MYRFL: variants seen among roughly 807,000 people sequenced by gnomAD.
MYRFL encodes myelin regulatory factor like, also known as myelin regulatory factor-like protein.
A neutral mutation model predicts 109.4 loss-of-function variants in MYRFL; 88 were observed. That is an observed-to-expected ratio of 0.80 (90% confidence interval 0.68 to 0.96). The LOEUF is 0.96. Among genes scored for constraint, MYRFL ranks in the 40% least tolerant of loss-of-function variants. The pLI, the probability that MYRFL is intolerant of heterozygous loss-of-function variation, is 0.00. For missense variants in MYRFL, 957 were observed against 954.9 expected, an observed-to-expected ratio of 1.00 and a Z score of -0.03; for synonymous variants, 324 against 320.9, an observed-to-expected ratio of 1.01 and a Z score of -0.10.
chr12:69,893,928 A>G, intron 8 of MYRFL, 88 bp downstream of exon 8: 1 of 350,810 alleles, frequency 2.9e-6, no homozygotes, highest in Non-Finnish European at 4.5e-6. Flanking sequence ...TTTATTTATT[A>G]TCTAATATAT....
At chr12:69,852,790 T>A (rs891971962) in intron 1 of MYRFL, among the ~76,000 whole-genome samples, 6 of 151,926 alleles carry the variant, frequency 3.9e-5, no homozygotes, top group African/African-American at 1.5e-4. Flanking sequence ...GTGATGACTC[T>A]TAACGAGCGT....
intron 4 of MYRFL, 62 bp downstream of exon 4, chr12:69,879,515 C>CT (rs1304930111): frequency 3.0e-6 from 2 of 656,854 alleles, no homozygotes; most frequent in Non-Finnish European, 5.5e-6. Flanking sequence ...CAGCCTGCCT[C>CT]TGGCAGGCAC....
intron 1 of MYRFL, among the ~76,000 whole-genome samples, chr12:69,826,087 T>C (rs1364934813): frequency 6.6e-6 from 1 of 151,982 alleles, no homozygotes; most frequent in Non-Finnish European, 1.5e-5. Context: ...ATAATATATA[T>C]TTAAAAGTTG....
At chr12:69,945,919 G>T (rs1351896900) in intron 19 of MYRFL, among the ~76,000 whole-genome samples, 3 of 137,606 alleles carry the variant, frequency 2.2e-5, no homozygotes, top group Non-Finnish European at 4.6e-5. Context: ...CCCGGGAGGC[G>T]GAGCTTGCAG....
Position 69,948,329 on chromosome 12 carries a change from A to C in MYRFL, c.2225-3784A>C, listed in dbSNP as rs980687742. ...TATCTTTCCTCATTCCCACCTATTTATTGCTGTTTTTTAAAAAAAACCTTA... is the reference window on the plus strand; with the variant it reads ...TATCTTTCCTCATTCCCACCTATTTCTTGCTGTTTTTTAAAAAAAACCTTA... On this transcript the variant is annotated intron_variant, in intron 19 of 24. Transcript: ENST00000552032. 7.9e-5 allele frequency among the ~76,000 whole-genome samples: 12 copies of C among 152,180 alleles called. No individual in the cohort carries two copies. The South Asian group carries it at 2.3e-3, about 29-fold the overall frequency.
rs75332248 is a variant in MYRFL, at chr12:69,918,377, G to A, written c.1602+7447G>A. Among the ~76,000 whole-genome samples the A allele has an allele frequency of 3.8e-3, 573 of 152,282 alleles. 1 individual carries two copies. The highest frequency in any genetic ancestry group is 0.013 in the African/African-American group (557 of 41,556). On this transcript the variant is annotated intron_variant, in intron 13 of 24. Transcript: ENST00000552032. ...TAGAGGAAGAAAAGAATGTGTGAGGGCTGAGAAGATTGGATGAAAGTAGGA... is the reference window on the plus strand; with the variant it reads ...TAGAGGAAGAAAAGAATGTGTGAGGACTGAGAAGATTGGATGAAAGTAGGA...
intron 13 of MYRFL, among the ~76,000 whole-genome samples, chr12:69,916,348 G>A (rs1954728418): frequency 6.6e-6 from 1 of 152,062 alleles, no homozygotes; most frequent in Admixed American, 6.6e-5. Context: ...GAAAAGAAGG[G>A]GGAAGACTTG....
At chr12:69,852,736 C>G (rs1057207392) in intron 1 of MYRFL, among the ~76,000 whole-genome samples, 9 of 151,980 alleles carry the variant, frequency 5.9e-5, no homozygotes, top group African/African-American at 2.2e-4. Context: ...ACCCTGCCGC[C>G]TTCCGCAGTG....
At position 69,950,149 on chromosome 12, in the gene MYRFL, A is replaced by G. The variant is rs569902885; in HGVS notation, c.2225-1964A>G. ...TAAGTTTTGCTTATCTTTAGAGACC[A>G]CAAACTCTACTTGTATGAAGAAGGT... is the stretch of plus-strand genomic sequence containing the variant. On this transcript the variant is annotated intron_variant, in intron 19 of 24. Transcript: ENST00000552032. Among the ~76,000 whole-genome samples the G allele has an allele frequency of 5.9e-5, 9 of 152,196 alleles. No homozygotes were observed. The East Asian group carries it at 1.7e-3, about 29-fold the overall frequency.
chr12:69,869,996 T>C (rs1191179372), intron 2 of MYRFL, among the ~76,000 whole-genome samples: 1 of 151,664 alleles, frequency 6.6e-6, no homozygotes, highest in Admixed American at 6.6e-5. Context: ...TCTCCGTTCA[T>C]CCTCCAAAAG....
At chr12:69,941,868 A>G (rs1346627249) in intron 19 of MYRFL, among the ~76,000 whole-genome samples, 2 of 150,614 alleles carry the variant, frequency 1.3e-5, no homozygotes, top group African/African-American at 2.4e-5. Context: ...CACCGATCCC[A>G]CAGAAATACA....
At chr12:69,873,524 A>C (rs1484135656) in intron 2 of MYRFL, among the ~76,000 whole-genome samples, 1 of 152,220 alleles carries the variant, frequency 6.6e-6, no homozygotes, top group Non-Finnish European at 1.5e-5. Flanking sequence ...TTATAAAGTA[A>C]AATAAAGGTT....
intron 5 of MYRFL, among the ~76,000 whole-genome samples, chr12:69,883,152 G>A (rs1172907957): frequency 6.6e-6 from 1 of 152,190 alleles, no homozygotes; most frequent in East Asian, 1.9e-4. Context: ...AAGCGAAGAG[G>A]AAGATTTGAA....
rs537434657 is a variant in MYRFL at position 69,940,177 on chromosome 12, G to A, written c.2224+3545G>A. Reference sequence around the variant, plus strand: ...CCCCAATCTAGCAAGGCAGGCCAACGTTCAGATTCAGGAACTACAGAGAAC... The same window carrying A: ...CCCCAATCTAGCAAGGCAGGCCAACATTCAGATTCAGGAACTACAGAGAAC... On this transcript the variant is annotated intron_variant, in intron 19 of 24. Transcript: ENST00000552032. Among the ~76,000 whole-genome samples, 8 of 152,124 alleles carry A rather than the reference G, an allele frequency of 5.3e-5. No individual in the cohort carries two copies. The South Asian group carries it at 1.7e-3, about 32-fold the overall frequency.
intron 5 of MYRFL, 110 bp from the exon 6 acceptor site, chr12:69,886,710 C>T (rs1886474996): frequency 2.3e-6 from 3 of 1,309,164 alleles, no homozygotes; most frequent in Non-Finnish European, 3.1e-6. Context: ...ATGACACTTC[C>T]CTAGTCACTC....
chr12:69,903,342 T>C (rs10784804), intron 10 of MYRFL, among the ~76,000 whole-genome samples: 54,981 of 152,070 alleles, frequency 0.36, 10,816 homozygotes, highest in African/African-American at 0.52. Flanking sequence ...AGTTTTCTTC[T>C]TTATCATCCA....
intron 2 of MYRFL, among the ~76,000 whole-genome samples, chr12:69,858,686 A>G (rs1884446388): frequency 6.6e-6 from 1 of 151,784 alleles, no homozygotes; most frequent in South Asian, 2.1e-4. Context: ...GTCTGTAGTG[A>G]TATTCCCTCT....
chr12:69,853,241 CGGCTGGCCGGGCAGG>C (rs1252034447), intron 1 of MYRFL, among the ~76,000 whole-genome samples: 1 of 150,980 alleles, frequency 6.6e-6, no homozygotes, highest in East Asian at 2.0e-4. Flanking sequence ...CCGGACGGGG[CGGCTGGCCGGGCAGG>C]GGCTGCCCCC....
chr12:69,903,504 G>A, intron 10 of MYRFL, 140 bp from the exon 11 acceptor site: 1 of 965,340 alleles, frequency 1.0e-6, no homozygotes, highest in Non-Finnish European at 1.5e-6. Flanking sequence ...ACTTGGATAT[G>A]TCAGAATGTC....
Sources: gnomAD v4.1 joint callset for allele counts (sites outside exome capture counted in the v4.1 genomes callset) on GRCh38, gnomAD v4.1.1 for gene constraint, MANE v1.5 for transcripts, NCBI Gene and HGNC (gene_info 2026-07-23, HGNC 2026-07-21) for gene names.